The following FZD3 variants were observed in gnomAD, a reference collection of about 807,000 sequenced individuals.
The protein encoded by FZD3 is frizzled-3.
FZD3 carries 30 observed loss-of-function variants against 60.7 expected under a neutral mutation model. That is an observed-to-expected ratio of 0.49 (90% CI 0.37 to 0.67). The LOEUF (loss-of-function observed/expected upper bound fraction) is 0.67, where lower values mean the gene tolerates loss of function less well. Ranked by LOEUF, FZD3 falls within the 30% of genes least tolerant of loss-of-function variation. FZD3 has a pLI of 0.00. For missense variants in FZD3, 605 were observed against 838.7 expected, an observed-to-expected ratio of 0.72 and a Z score of 3.44; for synonymous variants, 246 against 275.2, an observed-to-expected ratio of 0.89 and a Z score of 1.05.
At position 28,528,923 on chromosome 8, in the gene FZD3, T is replaced by A. The variant is rs967761166; in HGVS notation, c.1404+759T>A. On this transcript the variant is annotated intron_variant, in intron 5 of 7. Transcript: ENST00000240093. ...GTTCCTACTATTACCCTACCTTCTTTTATGTATTTATGATTATTATTTAGA... is the reference window on the plus strand; with the variant it reads ...GTTCCTACTATTACCCTACCTTCTTATATGTATTTATGATTATTATTTAGA... 3.9e-5 allele frequency among the ~76,000 whole-genome samples: 6 copies of A among 152,062 alleles called. 1 individual carries two copies.
chr8:28,573,703 TAAAAA>T lies in FZD3; in HGVS notation c.*10701_*10705del, dbSNP rs201588096. The T allele has an allele frequency of 7.1e-6, 1 of 140,844 alleles. No homozygotes were observed. Among genetic ancestry groups the T allele is most frequent in the East Asian group, 2.0e-4 (1 of 4,986 alleles). 8.7% of individuals were successfully genotyped at this position (140,844 alleles called of 1,614,324 possible). On this transcript the variant is annotated 3_prime_UTR_variant, in exon 8 of 8. Transcript: ENST00000240093. ...ACATATGAATACTATCCATGCTTGTTAAAAAAAAAAAAAGTCTTTCCCCATTTTAC... is the reference window on the plus strand; with the variant it reads ...ACATATGAATACTATCCATGCTTGTTAAAAAAAAGTCTTTCCCCATTTTAC...
chr8:28,496,049 A>G (rs1803836135), intron 1 of FZD3, among the ~76,000 whole-genome samples: 1 of 152,044 alleles, frequency 6.6e-6, no homozygotes, highest in Non-Finnish European at 1.5e-5. Flanking sequence ...TATGCTTCTG[A>G]GCTTTATTTT....
In FZD3 at chr8:28,528,150, C is replaced by G. The variant is rs1373242263; in HGVS notation, c.1390C>G (p.Pro464Ala). 1 of 1,610,050 alleles carries G rather than the reference C, an allele frequency of 6.2e-7. No homozygotes were observed. Among genetic ancestry groups the G allele is most frequent in the South Asian group, 1.1e-5 (1 of 90,320 alleles). The change falls in exon 5 of 8, where the codon CCA (proline) becomes GCA (alanine). Residue 464 changes from proline to alanine, a missense_variant. Pro to Ala is a conservative substitution (Grantham distance 27). Coordinates refer to ENST00000240093, the MANE Select transcript of FZD3 (RefSeq NM_017412.4). Reference protein sequence around the residue: ...IQERCREYHIPCPYQVTQMSR... With the variant: ...IQERCREYHIACPYQVTQMSR... ...AGAACGCTGCAGAGAATATCACATT[C>G]CATGTCCATATCAGGTAAGGGAAAC...
At chr8:28,505,710 T>C (rs929665160) in intron 3 of FZD3, among the ~76,000 whole-genome samples, 1 of 152,214 alleles carries the variant, frequency 6.6e-6, no homozygotes, top group Non-Finnish European at 1.5e-5. Flanking sequence ...CAATGGTATG[T>C]GGGCAGTAAG....
In FZD3 at chr8:28,544,632, A is replaced by G. The variant is rs73230985; in HGVS notation, c.1405-6971A>G. Among the ~76,000 whole-genome samples the G allele has an allele frequency of 1.6e-4, 24 of 152,284 alleles. 1 individual carries two copies. Among genetic ancestry groups the G allele is most frequent in the Non-Finnish European group, 2.8e-4 (19 of 68,014 alleles). On this transcript the variant is annotated intron_variant, in intron 5 of 7. Coordinates refer to ENST00000240093, the MANE Select transcript of FZD3 (RefSeq NM_017412.4). ...TTTTGTCAATTTTGATTATGCACGT[A>G]TAGTCTTTTCCACTTTTTAAAAAGT...
chr8:28,543,602 A>T (rs150047196), intron 5 of FZD3, among the ~76,000 whole-genome samples: 5,291 of 152,050 alleles, frequency 0.035, 302 homozygotes, highest in African/African-American at 0.12. Context: ...GCTGATCTCG[A>T]ACTCCTGACC....
rs186545679 is a variant in FZD3 at position 28,527,405 on chromosome 8, G to A, written c.645G>A (p.Ser215=). Residue 215 remains serine (S), a synonymous_variant, in exon 5 of 8, where the codon TCG becomes TCA. Transcript: ENST00000240093. This position sits in a 1 kb window ranked among gnomAD's most constrained non-coding sequence, Gnocchi z 5.0. The part of the protein sequence containing the change: ...FIGLISIICL[S]ATLFTFLTFL... ...GATTGATTTCAATCATTTGCCTCTCGGCCACATTGTTTACTTTTTTAACTT... is the reference window on the plus strand; with the variant it reads ...GATTGATTTCAATCATTTGCCTCTCAGCCACATTGTTTACTTTTTTAACTT... 3.0e-5 allele frequency: 49 copies of A among 1,613,790 alleles called. No individual in the cohort carries two copies. Among genetic ancestry groups the A allele is most frequent in the Middle Eastern group, 3.3e-4 (2 of 6,062 alleles).
chr8:28,555,699 G>A, intron 6 of FZD3, 39 bp from the exon 7 acceptor site: 4 of 1,118,724 alleles, frequency 3.6e-6, no homozygotes, highest in Non-Finnish European at 5.5e-6. Context: ...TCTGAAGGAA[G>A]ATTGGTATGT....
At chr8:28,501,319 G>A (rs1305599423) in intron 2 of FZD3, among the ~76,000 whole-genome samples, 1 of 152,178 alleles carries the variant, frequency 6.6e-6, no homozygotes, top group Non-Finnish European at 1.5e-5. Context: ...ATAGTTATCT[G>A]CCTAGTAACT....
rs117361813 is a variant in FZD3, at chr8:28,548,258, T to C, written c.1405-3345T>C. 4.8e-3 allele frequency among the ~76,000 whole-genome samples: 730 copies of C among 152,264 alleles called. 26 individuals carry two copies. The East Asian group carries it at 0.093, about 19-fold the overall frequency. On this transcript the variant is annotated intron_variant, in intron 5 of 7. Coordinates refer to ENST00000240093, the MANE Select transcript of FZD3 (RefSeq NM_017412.4). Reference sequence around the variant, plus strand: ...TTTCATCTACAACTTTATGGTTTCTTTTTTGTTGTTAATTTTTTTCTTACA... The same window carrying C: ...TTTCATCTACAACTTTATGGTTTCTCTTTTGTTGTTAATTTTTTTCTTACA...
At chr8:28,521,076 A>G (rs1326384678) in intron 4 of FZD3, among the ~76,000 whole-genome samples, 3 of 152,216 alleles carry the variant, frequency 2.0e-5, no homozygotes, top group Non-Finnish European at 4.4e-5. Flanking sequence ...TAATCAAGAC[A>G]GTTGATTTTT....
chr8:28,533,452 T>A (rs1804930694), intron 5 of FZD3, among the ~76,000 whole-genome samples: 1 of 152,218 alleles, frequency 6.6e-6, no homozygotes, highest in Non-Finnish European at 1.5e-5. Context: ...TTATTGTCAA[T>A]GTTTTAAAAT....
Position 28,520,850 on chromosome 8 carries a change from A to AT in FZD3, c.386+20dup. Reference sequence around the variant, plus strand: ...AATGCAGTAGGTGCGAAAATCATAGATTTTCATGGATCATTTCTTATGTTG... The same window carrying AT: ...AATGCAGTAGGTGCGAAAATCATAGATTTTTCATGGATCATTTCTTATGTTG... On this transcript the variant is annotated intron_variant, in intron 4 of 7. Transcript: ENST00000240093. 6.8e-7 allele frequency: 1 copy of AT among 1,470,514 alleles called. No homozygotes were observed. The allele number at this position is 1,470,514 out of a possible 1,614,324, so 91.1% of individuals were successfully genotyped here.
In FZD3 at chr8:28,520,640, A is replaced by G. The variant is rs1196878813; in HGVS notation, c.192A>G (p.Pro64=). Residue 64 remains proline, a splice_region_variant and synonymous_variant, in exon 4 of 8, where the codon CCA becomes CCG. Coordinates refer to ENST00000240093, the MANE Select transcript of FZD3 (RefSeq NM_017412.4). The part of the protein sequence containing the change: ...DQQTAALAME[P]FHPMVNLDCS... ...ATTCAATTTTAACTTTTCCCTAGCC[A>G]TTCCACCCTATGGTGAATCTGGATT... The G allele has an allele frequency of 1.9e-6, 3 of 1,556,000 alleles. No homozygotes were observed. Among genetic ancestry groups the G allele is most frequent in the Non-Finnish European group, 1.7e-6 (2 of 1,146,280 alleles).
At chr8:28,523,207 T>C (rs1344496889) in intron 4 of FZD3, among the ~76,000 whole-genome samples, 1 of 152,102 alleles carries the variant, frequency 6.6e-6, no homozygotes, top group African/African-American at 2.4e-5. Context: ...ATAATAGAAA[T>C]TTATTTGTTA....
chr8:28,546,010 C>T (rs1648815539), intron 5 of FZD3, among the ~76,000 whole-genome samples: 1 of 152,152 alleles, frequency 6.6e-6, no homozygotes, highest in African/African-American at 2.4e-5. Flanking sequence ...TTGCATTATT[C>T]AGTACAGTAA....
chr8:28,568,646 ATGTTTCTTATTCTGTGATCTC>A lies in FZD3; in HGVS notation c.*5637_*5657del, dbSNP rs1348528595. 1.3e-5 allele frequency: 2 copies of A among 152,136 alleles called. No individual in the cohort carries two copies. The highest frequency in any genetic ancestry group is 2.9e-5 in the Non-Finnish European group (2 of 68,002). 9.4% of individuals were successfully genotyped at this position (152,136 alleles called of 1,614,324 possible). ...TATAAAGATTTAATATGAGTTAAAC[ATGTTTCTTATTCTGTGATCTC>A]TAATTAGAAAGTAAAATTCTGTTGC... On this transcript the variant is annotated 3_prime_UTR_variant, in exon 8 of 8. Coordinates refer to ENST00000240093, the MANE Select transcript of FZD3 (RefSeq NM_017412.4).
intron 5 of FZD3, among the ~76,000 whole-genome samples, chr8:28,535,904 G>T (rs1804998567): frequency 6.6e-6 from 1 of 152,132 alleles, no homozygotes; most frequent in Non-Finnish European, 1.5e-5. Flanking sequence ...TTCTAGAAAA[G>T]ATTTTGAATT....
At chr8:28,543,791 G>A (rs1037793145) in intron 5 of FZD3, among the ~76,000 whole-genome samples, 24 of 151,888 alleles carry the variant, frequency 1.6e-4, no homozygotes, top group African/African-American at 5.8e-4. Flanking sequence ...TTTTAATCAT[G>A]GAAAAGGAAA....
Sources: allele counts gnomAD v4.1 joint callset (sites outside exome capture counted in the v4.1 genomes callset), GRCh38; gene constraint gnomAD v4.1.1; non-coding constraint Gnocchi (gnomAD v3.1); transcripts MANE v1.5; gene names NCBI Gene and HGNC (gene_info 2026-07-23, HGNC 2026-07-21).